Variants in KCNC4 observed in about 807,000 individuals in gnomAD.
KCNC4 encodes potassium voltage-gated channel subfamily C member 4, also known as voltage-gated potassium channel KCNC4.
In KCNC4, 23 loss-of-function variants were observed where a neutral mutation model predicts 42.8. The observed-to-expected ratio is 0.54, with a 90% confidence interval of 0.39 to 0.76. The LOEUF (loss-of-function observed/expected upper bound fraction) is 0.76, where lower values mean the gene tolerates loss of function less well. Ranked by LOEUF, KCNC4 falls within the 30% of genes least tolerant of loss-of-function variation. KCNC4 has a pLI of 0.00. For synonymous variants in KCNC4, 422 were observed against 393.5 expected (o/e 1.07, Z -0.86); for missense variants, 751 against 898.2 (o/e 0.84, Z 2.10).
exon 4 of KCNC4, chr1:110,248,714 G>A (rs1170433425): frequency 6.6e-6 from 1 of 152,110 alleles, no homozygotes; most frequent in Non-Finnish European, 1.5e-5. Flanking sequence ...CTAACTTTTT[G>A]GAAATTATAC....
intron 2 of KCNC4, chr1:110,224,184 C>G: frequency 2.5e-6 from 1 of 392,998 alleles, no homozygotes; most frequent in South Asian, 5.8e-5. Flanking sequence ...GGTTTTAAAT[C>G]CAATCTTGGC....
In KCNC4 at chr1:110,211,629, G is replaced by C. The variant is rs1336355784; in HGVS notation, c.130G>C (p.Gly44Arg). ...GGAGAAGATCATCATCAACGTGGGC[G>C]GCACGCGACATGAGACCTACCGCAG... ...ASEKIIINVG[G>R]TRHETYRSTL... Residue 44 changes from glycine to arginine, a missense_variant, in exon 1 of 4, where the codon GGC becomes CGC. Gly to Arg is a moderately radical substitution (Grantham distance 125). Around this residue, in one of 4 missense-constraint regions of KCNC4, gnomAD observed 183 missense variants for 255.8 expected, o/e 0.72. Transcript: ENST00000438661. The surrounding 1 kb of genome is among the most constrained non-coding windows in gnomAD (Gnocchi z 6.5). The C allele has an allele frequency of 6.2e-7, 1 of 1,613,842 alleles. No homozygotes were observed. Among genetic ancestry groups the C allele is most frequent in the Admixed American group, 1.7e-5 (1 of 60,012 alleles).
intron 1 of KCNC4, among the ~76,000 whole-genome samples, chr1:110,260,267 C>T (rs563211272): frequency 1.3e-5 from 2 of 152,234 alleles, no homozygotes; most frequent in South Asian, 4.2e-4. Context: ...CCACTGAAAG[C>T]CCCATGGATT....
At chr1:110,221,280 C>T (rs957958579) in intron 1 of KCNC4, 3 of 152,246 alleles carry the variant, frequency 2.0e-5, no homozygotes, top group Admixed American at 6.5e-5. Context: ...GTTTTCATCC[C>T]TTCCAGGCTG....
At chr1:110,283,452 C>T (rs1353083054), downstream of KCNC4, among the ~76,000 whole-genome samples, 1 of 152,156 alleles carries the variant, frequency 6.6e-6, no homozygotes, top group Non-Finnish European at 1.5e-5. Flanking sequence ...AACAAAGAGA[C>T]ATTAGGTCAG....
At chr1:110,214,699 G>C (rs1401317988) in intron 1 of KCNC4, among the ~76,000 whole-genome samples, 3 of 152,244 alleles carry the variant, frequency 2.0e-5, no homozygotes, top group Non-Finnish European at 4.4e-5. Flanking sequence ...CCTTGCTCTT[G>C]TGATTACAAC....
downstream of KCNC4, among the ~76,000 whole-genome samples, chr1:110,252,660 T>G (rs894818714): frequency 6.6e-6 from 1 of 152,198 alleles, no homozygotes; most frequent in East Asian, 1.9e-4. Flanking sequence ...ATCACATTCA[T>G]TGAGCATCTA....
At position 110,211,954 on chromosome 1, in the gene KCNC4, G is replaced by T; in HGVS notation, c.455G>T (p.Arg152Leu). Residue 152 changes from arginine to leucine, a missense_variant, in exon 1 of 4, where the codon CGC becomes CTC. Physicochemically the swap from Arg to Leu is moderately radical, Grantham distance 102. This residue lies in a region of KCNC4 where 183 missense variants were observed against 255.8 expected (regional missense o/e 0.72). Coordinates refer to ENST00000438661, the MANE Select transcript of KCNC4 (RefSeq NM_001039574.3). This position sits in a 1 kb window ranked among gnomAD's most constrained non-coding sequence, Gnocchi z 6.5. ...TGCTGGATGACCTACCGGCAGCACC[G>T]CGACGCCGAGGAGGCGCTCGACATC... ...PCCWMTYRQH[R>L]DAEEALDIFE... 1.2e-6 allele frequency: 2 copies of T among 1,611,308 alleles called. No individual in the cohort carries two copies. Among genetic ancestry groups the T allele is most frequent in the Non-Finnish European group, 8.5e-7 (1 of 1,179,744 alleles).
In KCNC4 at chr1:110,211,296, A is replaced by C; in HGVS notation, c.-204A>C. ...TCCGGAGCTTCCTGCCCTAACCCCA[A>C]CCACCTGTGTACCGGAGAAATCCAA... On this transcript the variant is annotated 5_prime_UTR_variant, in exon 1 of 4. Coordinates refer to ENST00000438661, the MANE Select transcript of KCNC4 (RefSeq NM_001039574.3). The surrounding 1 kb of genome is among the most constrained non-coding windows in gnomAD (Gnocchi z 6.5). 1.4e-6 allele frequency: 1 copy of C among 720,402 alleles called. No individual in the cohort carries two copies. The highest frequency in any genetic ancestry group is 2.2e-6 in the Non-Finnish European group (1 of 451,246). The allele number at this position is 720,402 out of a possible 1,614,324, so 44.6% of individuals were successfully genotyped here.
exon 4 of KCNC4, chr1:110,246,728 G>C (rs1038908325): frequency 1.3e-5 from 2 of 150,032 alleles, no homozygotes; most frequent in Non-Finnish European, 1.5e-5. Flanking sequence ...CTGTGAATCT[G>C]CTCATCCTTT....
At chr1:110,215,029 G>A (rs1657703241) in intron 1 of KCNC4, among the ~76,000 whole-genome samples, 1 of 152,230 alleles carries the variant, frequency 6.6e-6, no homozygotes, top group African/African-American at 2.4e-5. Flanking sequence ...CCCTGGAAGG[G>A]CCCGCAGCAC....
chr1:110,214,253 A>G (rs1386732741), intron 1 of KCNC4, among the ~76,000 whole-genome samples: 1 of 152,238 alleles, frequency 6.6e-6, no homozygotes, highest in Non-Finnish European at 1.5e-5. Context: ...ACCAGGATTC[A>G]GAGACATTAA....
intron 1 of KCNC4, among the ~76,000 whole-genome samples, chr1:110,268,153 A>G (rs1475761640): frequency 1.3e-5 from 2 of 152,154 alleles, no homozygotes; most frequent in African/African-American, 4.8e-5. Context: ...CAGATTTGGC[A>G]TTTTGGCAGA....
chr1:110,278,422 A>G (rs1422026385), intron 1 of KCNC4, among the ~76,000 whole-genome samples: 1 of 152,172 alleles, frequency 6.6e-6, no homozygotes, highest in African/African-American at 2.4e-5. Context: ...CAGTGCTACT[A>G]TCATCCATGG....
chr1:110,232,327 G>A (rs532060416), intron 3 of KCNC4: 49 of 1,610,374 alleles, frequency 3.0e-5, no homozygotes, highest in Admixed American at 2.3e-4. Context: ...GGCTGGGCAC[G>A]ACATGGCATC....
exon 4 of KCNC4, chr1:110,248,107 A>G (rs971428619): frequency 8.5e-5 from 13 of 152,210 alleles, no homozygotes; most frequent in African/African-American, 3.1e-4. Flanking sequence ...TGTTCCTTCA[A>G]TATCATACTA....
exon 4 of KCNC4, chr1:110,239,609 C>G (rs1459572519): frequency 6.6e-6 from 1 of 152,180 alleles, no homozygotes; most frequent in Non-Finnish European, 1.5e-5. Flanking sequence ...GGAGATAGGC[C>G]TGGCATGAGC....
intron 2 of KCNC4, 200 bp from the exon 3 acceptor site, chr1:110,225,775 A>C: frequency 3.6e-6 from 2 of 560,610 alleles, no homozygotes; most frequent in South Asian, 2.5e-5. Context: ...GCTGGGAGGG[A>C]AGTCAGTCTT....
chr1:110,250,069 A>G (rs1659223448), downstream of KCNC4, among the ~76,000 whole-genome samples: 1 of 152,238 alleles, frequency 6.6e-6, no homozygotes, highest in Non-Finnish European at 1.5e-5. Context: ...GTCTCTGACA[A>G]CAGGAATGGG....
Sources: allele counts gnomAD v4.1 joint callset (sites outside exome capture counted in the v4.1 genomes callset), GRCh38; gene constraint gnomAD v4.1.1; regional missense constraint gnomAD v4.1.1; non-coding constraint Gnocchi (gnomAD v3.1); transcripts MANE v1.5; gene names NCBI Gene and HGNC (gene_info 2026-07-23, HGNC 2026-07-21).